The following NARS2 variants were observed in gnomAD, a reference collection of about 807,000 sequenced individuals.
The protein encoded by NARS2 is asparaginyl-tRNA synthetase.
NARS2 carries 60 observed loss-of-function variants against 62.9 expected under a neutral mutation model. The observed-to-expected ratio is 0.95, with a 90% CI of 0.77 to 1.18. The LOEUF (loss-of-function observed/expected upper bound fraction) is 1.18. NARS2 is among the 50% of genes most tolerant of loss of function. NARS2 has a pLI of 0.00. For synonymous variants in NARS2, 196 were observed against 200.0 expected (o/e 0.98, Z 0.17); for missense variants, 619 against 576.4 (o/e 1.07, Z -0.76).
At chr11:78,520,982 C>CGAGACGCAGGGGTTGCAGT (rs1861094781) in intron 6 of NARS2, among the ~76,000 whole-genome samples, 1 of 150,170 alleles carries the variant, frequency 6.7e-6, no homozygotes, top group South Asian at 2.1e-4. Context: ...CGCTTGAACC[C>CGAGACGCAGGGGTTGCAGT]GAGACGCAGG....
chr11:78,572,317 A>G (rs4945301), intron 1 of NARS2, among the ~76,000 whole-genome samples: 108,389 of 152,134 alleles, frequency 0.71, 39,214 homozygotes, highest in Non-Finnish European at 0.79. Context: ...CTACTTAATC[A>G]TCAGAAAAAC....
chr11:78,468,485 G>A (rs11606463), intron 10 of NARS2, among the ~76,000 whole-genome samples: 23 of 150,080 alleles, frequency 1.5e-4, no homozygotes, highest in African/African-American at 5.6e-4. Flanking sequence ...GCTCACTGCA[G>A]ACTCTGCCCC....
intron 6 of NARS2, among the ~76,000 whole-genome samples, chr11:78,519,248 T>A (rs1861024025): frequency 1.3e-5 from 2 of 152,172 alleles, no homozygotes; most frequent in African/African-American, 4.8e-5. Context: ...TCTGAATTGA[T>A]TAAATAATCG....
In NARS2 at chr11:78,472,379, TGTTAAGA is replaced by T. The variant is rs1858913038; in HGVS notation, c.960-3073_960-3067del. ...TAAAGAAAATTCATTATTCTGAAGC[TGTTAAGA>T]GTAAAATTGCTCAACTACAAAGATA... On this transcript the variant is annotated intron_variant, in intron 9 of 13. Coordinates refer to ENST00000281038, the MANE Select transcript of NARS2 (RefSeq NM_024678.6). 3.9e-5 allele frequency among the ~76,000 whole-genome samples: 6 copies of T among 152,342 alleles called. No homozygotes were observed. In the South Asian group the frequency reaches 1.2e-3, roughly 32 times the overall value.
chr11:78,475,952 G>A (rs1565223182), intron 9 of NARS2, among the ~76,000 whole-genome samples: 2 of 152,112 alleles, frequency 1.3e-5, no homozygotes, highest in Middle Eastern at 6.8e-3. Context: ...ATCTCAGTGC[G>A]GTTTTAATTT....
intron 5 of NARS2, among the ~76,000 whole-genome samples, chr11:78,550,191 G>A (rs993640120): frequency 1.3e-5 from 2 of 152,118 alleles, no homozygotes; most frequent in Admixed American, 1.3e-4. Flanking sequence ...TCTCAAGCAG[G>A]CCACTTTTAA....
At chr11:78,568,002 T>C (rs900686333) in intron 3 of NARS2, among the ~76,000 whole-genome samples, 2 of 152,342 alleles carry the variant, frequency 1.3e-5, no homozygotes, top group East Asian at 3.9e-4. Flanking sequence ...ATCAAGCTTA[T>C]ATATATGAAG....
intron 6 of NARS2, among the ~76,000 whole-genome samples, chr11:78,500,937 C>T (rs113064592): frequency 0.076 from 11,582 of 152,106 alleles, 584 homozygotes; most frequent in Non-Finnish European, 0.12. Context: ...ACAAAAAATA[C>T]AAAAATTAGC....
intron 1 of NARS2, among the ~76,000 whole-genome samples, chr11:78,572,819 A>T (rs987016849): frequency 2.6e-5 from 4 of 152,158 alleles, no homozygotes; most frequent in African/African-American, 4.8e-5. Flanking sequence ...ATCAACATAT[A>T]ATCAATATAA....
intron 3 of NARS2, among the ~76,000 whole-genome samples, chr11:78,566,655 T>C (rs1856756035): frequency 1.3e-5 from 2 of 152,224 alleles, no homozygotes; most frequent in African/African-American, 4.8e-5. Context: ...ATATTAAAGA[T>C]GTACACACAA....
rs763911960 is a variant in NARS2, at chr11:78,574,420, T to G, written c.69A>C (p.Lys23Asn). 15 of 1,613,882 alleles carry G rather than the reference T, an allele frequency of 9.3e-6. No individual in the cohort carries two copies. Among genetic ancestry groups the G allele is most frequent in the African/African-American group, 1.3e-5 (1 of 74,842 alleles). ...CCCGCACGCTCAGTTTGGCTGAAGG[T>G]TTGTGCTTGGGGAAGGGGGCGGAGG... ...FCSSAPFPKHKPSAKLSVRDA... is the reference protein window; with the variant it reads ...FCSSAPFPKHNPSAKLSVRDA... Residue 23 changes from lysine to asparagine, a missense_variant, in exon 1 of 14, where the codon AAA becomes AAC. Physicochemically the swap from Lys to Asn is moderately conservative, Grantham distance 94 (BLOSUM62 0). Transcript: ENST00000281038.
At chr11:78,453,878 G>A (rs1591136287) in intron 11 of NARS2, among the ~76,000 whole-genome samples, 3 of 152,274 alleles carry the variant, frequency 2.0e-5, no homozygotes, top group Admixed American at 2.0e-4. Context: ...ATAATGGCTA[G>A]CCAGTTTTAC....
At chr11:78,509,464 A>T (rs1860632299) in intron 6 of NARS2, among the ~76,000 whole-genome samples, 3 of 152,208 alleles carry the variant, frequency 2.0e-5, no homozygotes, top group Admixed American at 2.0e-4. Context: ...TAATCAAATT[A>T]TATAAACCTG....
chr11:78,518,877 A>C (rs1172531653), intron 6 of NARS2, among the ~76,000 whole-genome samples: 2 of 152,222 alleles, frequency 1.3e-5, no homozygotes, highest in African/African-American at 4.8e-5. Context: ...AAAGATAAAA[A>C]TAATTTCTAT....
At position 78,520,532 on chromosome 11, in the gene NARS2, CTT is replaced by C. The variant is rs566106480; in HGVS notation, c.689+8308_689+8309del. ...GTTGCAATCACAGGTTAGGACTTGT[CTT>C]TTTTCAGGACACGGTTCAAGCAACT... On this transcript the variant is annotated intron_variant, in intron 6 of 13. Coordinates refer to ENST00000281038, the MANE Select transcript of NARS2 (RefSeq NM_024678.6). 2.9e-3 allele frequency among the ~76,000 whole-genome samples: 436 copies of C among 152,232 alleles called. 2 individuals are homozygous for C. The highest frequency in any genetic ancestry group is 9.7e-3 in the African/African-American group (403 of 41,542).
intron 6 of NARS2, among the ~76,000 whole-genome samples, chr11:78,508,933 G>A (rs1860609457): frequency 6.6e-6 from 1 of 151,886 alleles, no homozygotes; most frequent in African/African-American, 2.4e-5. Context: ...TGGCCAACAG[G>A]ACGACATCCT....
At chr11:78,488,081 T>C (rs995941271) in intron 7 of NARS2, among the ~76,000 whole-genome samples, 1 of 152,156 alleles carries the variant, frequency 6.6e-6, no homozygotes, top group Admixed American at 6.5e-5. Context: ...TCTGAAATTA[T>C]TTAAAATATG....
At chr11:78,482,833 TC>T (rs1319278659) in intron 7 of NARS2, among the ~76,000 whole-genome samples, 1 of 152,138 alleles carries the variant, frequency 6.6e-6, no homozygotes, top group Non-Finnish European at 1.5e-5. Context: ...CTAGAACCAT[TC>T]CTTCTAAAAT....
chr11:78,557,773 A>T (rs1164126898), intron 5 of NARS2, among the ~76,000 whole-genome samples: 2 of 148,870 alleles, frequency 1.3e-5, no homozygotes, highest in Admixed American at 6.7e-5. Flanking sequence ...TTTAGAGGTC[A>T]AGATATATAT....
Sources: allele counts gnomAD v4.1 joint callset (sites outside exome capture counted in the v4.1 genomes callset), GRCh38; gene constraint gnomAD v4.1.1; transcripts MANE v1.5; gene names NCBI Gene and HGNC (gene_info 2026-07-23, HGNC 2026-07-21).